Variants in CDH10 observed in about 807,000 individuals in gnomAD.
The protein encoded by CDH10 is cadherin 10, also known as cadherin-10.
Under a neutral mutation model 73.1 loss-of-function variants are expected in CDH10, and 30 were observed. The observed-to-expected ratio is 0.41, with a 90% CI of 0.31 to 0.56. The LOEUF is 0.56. Ranked by LOEUF, CDH10 falls within the 20% of genes least tolerant of loss-of-function variation. CDH10 has a pLI of 0.27. For missense variants in CDH10, 815 were observed against 973.7 expected (o/e 0.84, Z 2.17); for synonymous variants, 345 against 348.2 (o/e 0.99, Z 0.10).
intron 5 of CDH10, among the ~76,000 whole-genome samples, chr5:24,528,499 G>A (rs556899781): frequency 9.2e-5 from 14 of 151,992 alleles, no homozygotes; most frequent in African/African-American, 2.6e-4. Flanking sequence ...CTCACTGAAC[G>A]TACGTGTCTT....
chr5:24,624,716 A>T (rs1311615953), intron 1 of CDH10, among the ~76,000 whole-genome samples: 1 of 152,156 alleles, frequency 6.6e-6, no homozygotes, highest in East Asian at 1.9e-4. Context: ...GTAGTAAGGC[A>T]TATGTTGAAG....
intron 8 of CDH10, among the ~76,000 whole-genome samples, chr5:24,502,519 T>A (rs1742537372): frequency 6.6e-6 from 1 of 152,138 alleles, no homozygotes; most frequent in African/African-American, 2.4e-5. Context: ...CTCGTTGCAT[T>A]TAATGCCCAG....
At chr5:24,498,375 G>T in intron 9 of CDH10, 23 bp downstream of exon 9, 1 of 1,547,444 alleles carries the variant, frequency 6.5e-7, no homozygotes, top group Admixed American at 1.9e-5. Context: ...TCTTTCCAGA[G>T]TTTTAATCCT....
At chr5:24,524,255 C>T (rs1365837066) in intron 5 of CDH10, among the ~76,000 whole-genome samples, 1 of 152,020 alleles carries the variant, frequency 6.6e-6, no homozygotes, top group Non-Finnish European at 1.5e-5. Flanking sequence ...GTGATTCATT[C>T]ACACTTTCTA....
chr5:24,541,169 A>C (rs1744140192), intron 2 of CDH10, among the ~76,000 whole-genome samples: 1 of 152,036 alleles, frequency 6.6e-6, no homozygotes, highest in Non-Finnish European at 1.5e-5. Context: ...ACTAAGTAAT[A>C]ACAGGTCTAT....
At chr5:24,531,940 T>G (rs1431406194) in intron 5 of CDH10, among the ~76,000 whole-genome samples, 1 of 152,096 alleles carries the variant, frequency 6.6e-6, no homozygotes, top group Non-Finnish European at 1.5e-5. Context: ...TAAGGATGCT[T>G]AGAAGCAGCC....
At chr5:24,502,957 T>C (rs1392865729) in intron 8 of CDH10, among the ~76,000 whole-genome samples, 1 of 152,166 alleles carries the variant, frequency 6.6e-6, no homozygotes, top group Non-Finnish European at 1.5e-5. Context: ...ATGCCATATA[T>C]AGCAATTAAA....
intron 5 of CDH10, among the ~76,000 whole-genome samples, chr5:24,521,575 G>A (rs914986344): frequency 1.4e-4 from 22 of 151,928 alleles, no homozygotes; most frequent in African/African-American, 5.1e-4. Context: ...TAGTGCCATT[G>A]CACTCGAGCC....
At chr5:24,573,071 T>G (rs1279393145) in intron 2 of CDH10, among the ~76,000 whole-genome samples, 1 of 151,736 alleles carries the variant, frequency 6.6e-6, no homozygotes, top group Non-Finnish European at 1.5e-5. Flanking sequence ...CAAGAACATG[T>G]GCTTTTATCT....
chr5:24,541,291 T>C (rs1191805896), intron 2 of CDH10, among the ~76,000 whole-genome samples: 1 of 152,044 alleles, frequency 6.6e-6, no homozygotes, highest in East Asian at 1.9e-4. Context: ...CTTTAGTTTT[T>C]TTAATTATCT....
At chr5:24,537,720 G>T (rs1165066884) in intron 2 of CDH10, 46 bp from the exon 3 acceptor site, 21 of 1,232,102 alleles carry the variant, frequency 1.7e-5, no homozygotes, top group Non-Finnish European at 2.3e-5. Flanking sequence ...GTATAAAGGT[G>T]CAGGATGCTG....
At chr5:24,580,142 C>A (rs1428221286) in intron 2 of CDH10, among the ~76,000 whole-genome samples, 1 of 151,978 alleles carries the variant, frequency 6.6e-6, no homozygotes, top group African/African-American at 2.4e-5. Flanking sequence ...AGTGAAAATT[C>A]TATTTTTTTA....
chr5:24,623,978 C>T (rs184912555), intron 1 of CDH10, among the ~76,000 whole-genome samples: 5 of 152,118 alleles, frequency 3.3e-5, no homozygotes, highest in African/African-American at 1.2e-4. Flanking sequence ...ATTCCTGTAA[C>T]ATTTCTATAC....
intron 5 of CDH10, among the ~76,000 whole-genome samples, chr5:24,522,291 AC>A (rs1743364414): frequency 6.6e-6 from 1 of 152,202 alleles, no homozygotes. Flanking sequence ...TTATGGTAAC[AC>A]TATTTTGAAC....
chr5:24,509,873 TCCCA>T, intron 6 of CDH10, 54 bp from the exon 7 acceptor site: 2 of 1,384,852 alleles, frequency 1.4e-6, no homozygotes, highest in Non-Finnish European at 2.0e-6. Context: ...GATGATATGC[TCCCA>T]CCCAGTTACA....
intron 1 of CDH10, among the ~76,000 whole-genome samples, chr5:24,619,867 C>A (rs189116664): frequency 7.6e-4 from 115 of 152,242 alleles, no homozygotes; most frequent in African/African-American, 2.6e-3. Context: ...GAGGGCCTCG[C>A]CGTATACTGA....
intron 1 of CDH10, among the ~76,000 whole-genome samples, chr5:24,644,266 G>A (rs952411532): frequency 9.9e-5 from 15 of 152,080 alleles, no homozygotes; most frequent in African/African-American, 3.4e-4. Flanking sequence ...ACAAGTCTGG[G>A]CATGACAAAT....
intron 1 of CDH10, among the ~76,000 whole-genome samples, chr5:24,625,815 A>G (rs920249492): frequency 3.3e-5 from 5 of 151,632 alleles, no homozygotes; most frequent in African/African-American, 1.2e-4. Flanking sequence ...AAAATTCATT[A>G]CATTTTTAAG....
intron 5 of CDH10, among the ~76,000 whole-genome samples, chr5:24,530,035 T>TG (rs1428305091): frequency 6.7e-6 from 1 of 150,252 alleles, no homozygotes; most frequent in East Asian, 2.0e-4. Flanking sequence ...TTTTTTTTTT[T>TG]TGAACTAGTG....
Sources: gnomAD v4.1 joint callset for allele counts (sites outside exome capture counted in the v4.1 genomes callset) on GRCh38, gnomAD v4.1.1 for gene constraint, MANE v1.5 for transcripts, NCBI Gene and HGNC (gene_info 2026-07-23, HGNC 2026-07-21) for gene names.